Variants in CDKN1A observed in about 807,000 individuals in gnomAD.
The protein encoded by CDKN1A is cyclin-dependent kinase inhibitor 1.
CDKN1A carries 14 observed loss-of-function variants against 14.8 expected under a neutral mutation model. The observed-to-expected ratio is 0.94, with a 90% CI of 0.62 to 1.48. CDKN1A has a LOEUF of 1.48. CDKN1A is among the 40% of genes most tolerant of loss of function. CDKN1A has a pLI of 0.00. For missense variants in CDKN1A, 203 were observed against 231.7 expected (o/e 0.88, Z 0.80); for synonymous variants, 92 against 93.5 (o/e 0.98, Z 0.09).
At chr6:36,682,010 A>G (rs1212303304) in intron 1 of CDKN1A, among the ~76,000 whole-genome samples, 1 of 152,092 alleles carries the variant, frequency 6.6e-6, no homozygotes, top group Non-Finnish European at 1.5e-5. Flanking sequence ...CTCCCAGAGT[A>G]TTAGGATTAC....
At position 36,678,713 on chromosome 6, in the gene CDKN1A, TGAG is replaced by T. The variant is rs1454638634; in HGVS notation, c.-89_-87del. On this transcript the variant is annotated 5_prime_UTR_variant, in exon 1 of 3. Coordinates refer to ENST00000244741, the MANE Select transcript of CDKN1A (RefSeq NM_000389.5). The surrounding 1 kb of genome is among the most constrained non-coding windows in gnomAD (Gnocchi z 5.7). ...CAGGGCCGCGCTGAGCTGCGCCAGC[TGAG>T]GTGTGAGCAGCTGCCGAAGTCAGTT... 1.0e-5 allele frequency: 10 copies of T among 985,164 alleles called. No individual in the cohort carries two copies. Among genetic ancestry groups the T allele is most frequent in the Non-Finnish European group, 1.1e-5 (9 of 829,926 alleles). 61.0% of individuals were successfully genotyped at this position (985,164 alleles called of 1,614,324 possible).
Position 36,684,599 on chromosome 6 carries a change from CA to C in CDKN1A, c.445+54del. 1.9e-6 allele frequency: 3 copies of C among 1,553,336 alleles called. No individual in the cohort carries two copies. The highest frequency in any genetic ancestry group is 2.7e-6 in the Non-Finnish European group (3 of 1,128,194). On this transcript the variant is annotated intron_variant, in intron 2 of 2. Coordinates refer to ENST00000244741, the MANE Select transcript of CDKN1A (RefSeq NM_000389.5). This position sits in a 1 kb window ranked among gnomAD's most constrained non-coding sequence, Gnocchi z 6.0. ...GTAAGGGACCAGGATTCTCAGAATCCATGGTCCAAGGGCTGACCTGTCTGGT... is the reference window on the plus strand; with the variant it reads ...GTAAGGGACCAGGATTCTCAGAATCCTGGTCCAAGGGCTGACCTGTCTGGT...
intron 1 of CDKN1A, among the ~76,000 whole-genome samples, chr6:36,679,875 T>TGG (rs1363143954): frequency 1.4e-5 from 1 of 70,948 alleles, no homozygotes; most frequent in African/African-American, 5.3e-5. Flanking sequence ...GTGGGGGGTC[T>TGG]GGGGGGCACG....
intron 2 of CDKN1A, among the ~76,000 whole-genome samples, chr6:36,685,243 A>G (rs995845603): frequency 2.6e-5 from 4 of 152,222 alleles, no homozygotes; most frequent in Non-Finnish European, 5.9e-5. Context: ...AATTATAATA[A>G]CAACAACTAC....
upstream of CDKN1A, among the ~76,000 whole-genome samples, chr6:36,677,244 A>G (rs3829968): frequency 0.14 from 21,480 of 152,068 alleles, 1,845 homozygotes; most frequent in African/African-American, 0.23. Flanking sequence ...GGGGTCTGCT[A>G]CTGTGTCCTC....
At chr6:36,680,307 CGTGTGTGTGTGTGTGTGTGTGT>C (rs59454180) in intron 1 of CDKN1A, among the ~76,000 whole-genome samples, 1 of 133,188 alleles carries the variant, frequency 7.5e-6, no homozygotes, top group African/African-American at 2.9e-5. Context: ...TCTGCGCGGG[CGTGTGTGTGTGTGTGTGTGTGT>C]GTGTGTGTGT....
At chr6:36,685,664 C>T (rs1762174444) in intron 2 of CDKN1A, 87 bp from the exon 3 acceptor site, 1 of 1,392,592 alleles carries the variant, frequency 7.2e-7, no homozygotes, top group South Asian at 1.2e-5. Context: ...GGAAGGGTGT[C>T]CTGGCCCCCC....
At chr6:36,685,264 A>G (rs766277669) in intron 2 of CDKN1A, among the ~76,000 whole-genome samples, 8 of 152,230 alleles carry the variant, frequency 5.3e-5, no homozygotes, top group African/African-American at 1.9e-4. Context: ...TGACGTTTAT[A>G]TGGGCCCGGC....
intron 1 of CDKN1A, among the ~76,000 whole-genome samples, chr6:36,681,547 C>G (rs1176379800): frequency 6.8e-6 from 1 of 148,090 alleles, no homozygotes; most frequent in Non-Finnish European, 1.5e-5. Context: ...CCCAAGTAAC[C>G]GGGACCACAG....
Position 36,687,026 on chromosome 6 carries a change from G to A in CDKN1A, c.*1226G>A, listed in dbSNP as rs573926464. The A allele has an allele frequency of 4.3e-5, 10 of 233,370 alleles. No homozygotes were observed. The highest frequency in any genetic ancestry group is 1.8e-4 in the South Asian group (1 of 5,536). 14.5% of individuals were successfully genotyped at this position (233,370 alleles called of 1,614,324 possible). A position where few individuals can be genotyped will look rare whatever the true frequency, so the allele number is the denominator to read the frequency against. On this transcript the variant is annotated 3_prime_UTR_variant, in exon 3 of 3. Coordinates refer to ENST00000244741, the MANE Select transcript of CDKN1A (RefSeq NM_000389.5). ...AGAGGCTATGGACAGGGCATGCCACGTGGGCTCATATGGGGCTGGGAGTAG... is the reference window on the plus strand; with the variant it reads ...AGAGGCTATGGACAGGGCATGCCACATGGGCTCATATGGGGCTGGGAGTAG...
upstream of CDKN1A, chr6:36,677,811 A>C (rs762624): frequency 0.3 from 366,732 of 1,222,592 alleles, 60,047 homozygotes; most frequent in East Asian, 0.6. Flanking sequence ...TCTGAGCCCC[A>C]GTTTCCCCAG....
Position 36,684,197 on chromosome 6 carries a change from C to A in CDKN1A, c.96C>A (p.Arg32=), listed in dbSNP as rs1478717705. The part of the protein sequence containing the change: ...FGPVDSEQLS[R]DCDALMAGCI... Reference sequence around the variant, plus strand: ...CAGTGGACAGCGAGCAGCTGAGCCGCGACTGTGATGCGCTAATGGCGGGCT... The same window carrying A: ...CAGTGGACAGCGAGCAGCTGAGCCGAGACTGTGATGCGCTAATGGCGGGCT... The change falls in exon 2 of 3, where the codon CGC becomes CGA. Residue 32 remains arginine (R), a synonymous_variant. Transcript: ENST00000244741. The surrounding 1 kb of genome is among the most constrained non-coding windows in gnomAD (Gnocchi z 6.0). 6.2e-7 allele frequency: 1 copy of A among 1,611,954 alleles called. No homozygotes were observed.
chr6:36,678,731 C>T lies in CDKN1A; in HGVS notation c.-73C>T. 1 of 985,536 alleles carries T rather than the reference C, an allele frequency of 1.0e-6. No individual in the cohort carries two copies. The highest frequency in any genetic ancestry group is 4.7e-5 in the South Asian group (1 of 21,298). 61.0% of individuals were successfully genotyped at this position (985,536 alleles called of 1,614,324 possible). A position where few individuals can be genotyped will look rare whatever the true frequency, so the allele number is the denominator to read the frequency against. ...CGCCAGCTGAGGTGTGAGCAGCTGC[C>T]GAAGTCAGTTCCTTGTGGAGCCGGA... On this transcript the variant is annotated 5_prime_UTR_variant, in exon 1 of 3. Transcript: ENST00000244741. This position sits in a 1 kb window ranked among gnomAD's most constrained non-coding sequence, Gnocchi z 5.7.
Position 36,685,917 on chromosome 6 carries a change from C to T in CDKN1A, c.*117C>T, listed in dbSNP as rs763632708. ...ATTATTATTTGTGTTTTAATTTAAA[C>T]ACCTCCTCATGTACATACCCTGGCC... On this transcript the variant is annotated 3_prime_UTR_variant, in exon 3 of 3. Coordinates refer to ENST00000244741, the MANE Select transcript of CDKN1A (RefSeq NM_000389.5). 1.1e-5 allele frequency: 11 copies of T among 1,042,972 alleles called. No homozygotes were observed. Among genetic ancestry groups the T allele is most frequent in the Non-Finnish European group, 1.3e-5 (9 of 671,070 alleles). 64.6% of individuals were successfully genotyped at this position (1,042,972 alleles called of 1,614,324 possible).
chr6:36,684,507 G>T lies in CDKN1A; in HGVS notation c.406G>T (p.Asp136Tyr). The T allele has an allele frequency of 6.2e-7, 1 of 1,614,240 alleles. No homozygotes were observed. The highest frequency in any genetic ancestry group is 8.5e-7 in the Non-Finnish European group (1 of 1,180,044). ...TGAAGGGTCCCCAGGTGGACCTGGA[G>T]ACTCTCAGGGTCGAAAACGGCGGCA... ...QAEGSPGGPG[D>Y]SQGRKRRQTS... The change falls in exon 2 of 3, where the codon GAC (aspartate) becomes TAC (tyrosine). Residue 136 changes from aspartate (D) to tyrosine (Y), a missense_variant. By Grantham distance (160) the Asp-to-Tyr change is radical. Coordinates refer to ENST00000244741, the MANE Select transcript of CDKN1A (RefSeq NM_000389.5). This position sits in a 1 kb window ranked among gnomAD's most constrained non-coding sequence, Gnocchi z 6.0.
chr6:36,681,290 T>C (rs1188209315), intron 1 of CDKN1A, among the ~76,000 whole-genome samples: 1 of 114,670 alleles, frequency 8.7e-6, no homozygotes, highest in Non-Finnish European at 1.9e-5. Context: ...TTTTCTTTCT[T>C]TCTTTCTTTC....
rs752176462 is a variant in CDKN1A at position 36,684,550 on chromosome 6, C to T, written c.445+4C>T. ...CGGCGGCAGACCAGCATGACAGGTG[C>T]GGACATGTGCACGGAAGGACTTTGT... On this transcript the variant is annotated splice_donor_region_variant and intron_variant, in intron 2 of 2. Transcript: ENST00000244741. The surrounding 1 kb of genome is among the most constrained non-coding windows in gnomAD (Gnocchi z 6.0). 23 of 1,613,396 alleles carry T rather than the reference C, an allele frequency of 1.4e-5. No individual in the cohort carries two copies. The highest frequency in any genetic ancestry group is 3.3e-5 in the Admixed American group (2 of 60,018).
At chr6:36,681,718 G>A (rs1397498747) in intron 1 of CDKN1A, among the ~76,000 whole-genome samples, 1 of 147,508 alleles carries the variant, frequency 6.8e-6, no homozygotes, top group Non-Finnish European at 1.5e-5. Context: ...TCAGCCTCCC[G>A]AGTAGCTGGG....
At chr6:36,683,230 T>C (rs1762076681) in intron 1 of CDKN1A, among the ~76,000 whole-genome samples, 1 of 152,192 alleles carries the variant, frequency 6.6e-6, no homozygotes, top group African/African-American at 2.4e-5. Flanking sequence ...ACTATTACTA[T>C]CCCCATTTTA....
Sources: allele counts gnomAD v4.1 joint callset (sites outside exome capture counted in the v4.1 genomes callset), GRCh38; gene constraint gnomAD v4.1.1; non-coding constraint Gnocchi (gnomAD v3.1); transcripts MANE v1.5; gene names NCBI Gene and HGNC (gene_info 2026-07-23, HGNC 2026-07-21).